PREP: variants seen among roughly 807,000 people sequenced by gnomAD.
PREP encodes dJ355L5.1 (prolyl endopeptidase).
PREP carries 29 observed loss-of-function variants against 87.6 expected under a neutral mutation model. The observed-to-expected ratio is 0.33, with a 90% CI of 0.25 to 0.45. PREP has a LOEUF of 0.45. Ranked by LOEUF, PREP falls within the 20% of genes least tolerant of loss-of-function variation. PREP has a pLI of 1.00. For missense variants in PREP, 695 were observed against 886.5 expected, an observed-to-expected ratio of 0.78 and a Z score of 2.74; for synonymous variants, 337 against 328.6, an observed-to-expected ratio of 1.03 and a Z score of -0.28.
At chr6:105,320,705 G>A (rs1286731269) in intron 10 of PREP, among the ~76,000 whole-genome samples, 2 of 152,180 alleles carry the variant, frequency 1.3e-5, no homozygotes, top group Non-Finnish European at 2.9e-5. Context: ...CATAGCCTGG[G>A]AGATAAGATA....
At chr6:105,321,654 C>T (rs1180057595) in intron 10 of PREP, among the ~76,000 whole-genome samples, 2 of 152,088 alleles carry the variant, frequency 1.3e-5, no homozygotes, top group Non-Finnish European at 2.9e-5. Flanking sequence ...AGGAAACACC[C>T]CAATCATACT....
intron 2 of PREP, among the ~76,000 whole-genome samples, chr6:105,391,451 G>C (rs918107123): frequency 1.3e-5 from 2 of 152,082 alleles, no homozygotes; most frequent in Non-Finnish European, 2.9e-5. Context: ...CAAACTCCAG[G>C]GCTCAAGTAA....
rs1005577910 is a variant in PREP at position 105,392,334 on chromosome 6, G to A, written c.120+5519C>T. Among the ~76,000 whole-genome samples, 8 of 152,130 alleles carry A rather than the reference G, an allele frequency of 5.3e-5. No homozygotes were observed. In the East Asian group the frequency reaches 1.4e-3, roughly 26 times the overall value. On this transcript the variant is annotated intron_variant, in intron 2 of 14. Transcript: ENST00000652536. ...ATTACAGGCGTGAGCCCCCACGCCT[G>A]GTCTCAAATCATTTTTAGGGACTGC...
chr6:105,276,582 A>C lies in PREP; in HGVS notation c.*1562T>G, dbSNP rs887994115. On this transcript the variant is annotated 3_prime_UTR_variant, in exon 15 of 15. Transcript: ENST00000652536. ...CTAGCTAGTATCAGTATCTGAGTAG[A>C]TGGTGATGACGACAGAGTCTCAGCA... 2.0e-5 allele frequency among the ~76,000 whole-genome samples: 3 copies of C among 152,338 alleles called. No individual in the cohort carries two copies. The highest frequency in any genetic ancestry group is 2.1e-4 in the South Asian group (1 of 4,830).
chr6:105,308,044 C>T (rs1770688996), intron 10 of PREP, among the ~76,000 whole-genome samples: 2 of 152,082 alleles, frequency 1.3e-5, no homozygotes, highest in Non-Finnish European at 2.9e-5. Flanking sequence ...ACGGTGACTT[C>T]TGGGGCCTCA....
intron 14 of PREP, among the ~76,000 whole-genome samples, chr6:105,279,242 G>A (rs1013204589): frequency 2.0e-5 from 3 of 152,114 alleles, no homozygotes; most frequent in Admixed American, 6.5e-5. Flanking sequence ...ACCTGTTTTA[G>A]TAGAGTTTTA....
At chr6:105,302,584 G>A in intron 10 of PREP, 2 of 411,682 alleles carry the variant, frequency 4.9e-6, no homozygotes, top group South Asian at 4.0e-5. Context: ...GCAGGTCCAG[G>A]GGCTTGTACC....
chr6:105,344,878 A>G (rs1229286872), intron 7 of PREP, among the ~76,000 whole-genome samples: 3 of 152,226 alleles, frequency 2.0e-5, no homozygotes, highest in African/African-American at 7.2e-5. Flanking sequence ...ACAAAAAACA[A>G]CAGAACGGTG....
At chr6:105,282,694 C>T (rs1371098415) in intron 12 of PREP, 112 bp from the exon 13 acceptor site, 1 of 1,269,122 alleles carries the variant, frequency 7.9e-7, no homozygotes, top group Non-Finnish European at 1.1e-6. Context: ...AACTTAAAAA[C>T]CATGGGTTAA....
chr6:105,322,873 C>A, intron 10 of PREP: 1 of 1,175,674 alleles, frequency 8.5e-7, no homozygotes. Context: ...TAATAATGCC[C>A]TAGTTTCACA....
intron 10 of PREP, among the ~76,000 whole-genome samples, chr6:105,307,566 A>G (rs543735163): frequency 6.6e-6 from 1 of 152,286 alleles, no homozygotes; most frequent in African/African-American, 2.4e-5. Context: ...TGCTTAATAA[A>G]TATCTGTGAA....
intron 10 of PREP, among the ~76,000 whole-genome samples, chr6:105,308,055 C>T (rs1209474639): frequency 6.6e-6 from 1 of 152,064 alleles, no homozygotes; most frequent in African/African-American, 2.4e-5. Flanking sequence ...TGGGGCCTCA[C>T]TTAGACTAAT....
chr6:105,385,373 T>C (rs1339259584), intron 2 of PREP, among the ~76,000 whole-genome samples: 1 of 151,260 alleles, frequency 6.6e-6, no homozygotes, highest in East Asian at 1.9e-4. Flanking sequence ...GATACTCAAA[T>C]TTAGAAATTA....
At position 105,285,582 on chromosome 6, in the gene PREP, TGA is replaced by T; in HGVS notation, c.1455-4_1455-3del. On this transcript the variant is annotated splice_polypyrimidine_tract_variant and splice_region_variant and intron_variant, in intron 11 of 14. Coordinates refer to ENST00000652536, the MANE Select transcript of PREP (RefSeq NM_002726.5). ...CTCACAAAAATAAGCCTGGAAACAC[TGA>T]GAAGCAGTAAAAACAGTTAACCTTC... 1 of 1,611,680 alleles carries T rather than the reference TGA, an allele frequency of 6.2e-7. No individual in the cohort carries two copies. Among genetic ancestry groups the T allele is most frequent in the Non-Finnish European group, 8.5e-7 (1 of 1,177,772 alleles).
chr6:105,329,097 C>T (rs1771252315), intron 8 of PREP, 71 bp from the exon 9 acceptor site: 2 of 1,396,354 alleles, frequency 1.4e-6, no homozygotes, highest in Non-Finnish European at 2.0e-6. Context: ...AATTGAGCAA[C>T]AGTTCCAGAG....
chr6:105,401,396 G>C (rs1773426977), intron 1 of PREP, among the ~76,000 whole-genome samples: 1 of 152,184 alleles, frequency 6.6e-6, no homozygotes, highest in African/African-American at 2.4e-5. Flanking sequence ...TCACATGAAT[G>C]AATGAATGAA....
intron 10 of PREP, among the ~76,000 whole-genome samples, chr6:105,301,145 T>C (rs1425576280): frequency 2.6e-5 from 4 of 152,232 alleles, no homozygotes; most frequent in Admixed American, 2.6e-4. Flanking sequence ...CTATGAAAGA[T>C]GAAGGTAGGC....
chr6:105,365,821 A>G (rs1026720242), intron 6 of PREP, among the ~76,000 whole-genome samples: 8 of 151,150 alleles, frequency 5.3e-5, no homozygotes, highest in Admixed American at 3.3e-4. Flanking sequence ...TTCACTAAAT[A>G]GGGCCCTGAT....
At chr6:105,335,513 A>G (rs982125384) in intron 7 of PREP, among the ~76,000 whole-genome samples, 9 of 152,210 alleles carry the variant, frequency 5.9e-5, no homozygotes, top group African/African-American at 2.2e-4. Context: ...CAGTTCTAAC[A>G]CTATTTAGTT....
Sources: allele counts gnomAD v4.1 joint callset (sites outside exome capture counted in the v4.1 genomes callset), GRCh38; gene constraint gnomAD v4.1.1; transcripts MANE v1.5; gene names NCBI Gene and HGNC (gene_info 2026-07-23, HGNC 2026-07-21).